NVL: variants seen among roughly 807,000 people sequenced by gnomAD.
NVL encodes the protein nuclear valosin-containing protein-like.
Under a neutral mutation model 110.2 loss-of-function variants are expected in NVL, and 84 were observed. The ratio of observed to expected loss-of-function variants is 0.76; its 90% CI spans 0.64 to 0.91. The LOEUF (loss-of-function observed/expected upper bound fraction) is 0.91, where lower values mean the gene tolerates loss of function less well. Ranked by LOEUF, NVL falls within the 40% of genes least tolerant of loss-of-function variation. The pLI, the probability that NVL is intolerant of heterozygous loss-of-function variation, is 0.00. For synonymous variants in NVL, 354 were observed against 361.1 expected (o/e 0.98, Z 0.22); for missense variants, 882 against 1,035.9 (o/e 0.85, Z 2.04).
chr1:224,296,354 A>G, intron 11 of NVL, 147 bp downstream of exon 11: 1 of 475,014 alleles, frequency 2.1e-6, no homozygotes, highest in East Asian at 3.5e-5. Context: ...TGTTAGGATT[A>G]CAGGCATGAG....
At chr1:224,320,315 T>C (rs1670515764) in intron 2 of NVL, among the ~76,000 whole-genome samples, 1 of 152,178 alleles carries the variant, frequency 6.6e-6, no homozygotes, top group African/African-American at 2.4e-5. Context: ...AGGTAGAGTA[T>C]ATGGGTGTTC....
Position 224,233,415 on chromosome 1 carries a change from G to A in NVL, c.2367-126C>T. 4 of 602,106 alleles carry A rather than the reference G, an allele frequency of 6.6e-6. No individual in the cohort carries two copies. In the South Asian group the frequency reaches 1.2e-4, roughly 18 times the overall value. The allele number at this position is 602,106 out of a possible 1,614,324, so 37.3% of individuals were successfully genotyped here. On this transcript the variant is annotated intron_variant, in intron 20 of 22. Transcript: ENST00000281701. The stretch of plus-strand genomic sequence containing the variant: ...AGGAGAAAAAGTGACCAATAAAGAT[G>A]AGAAATAAATTGATTATCAATCAAT...
chr1:224,257,491 C>CT (rs1663415508), intron 18 of NVL, among the ~76,000 whole-genome samples: 1 of 148,054 alleles, frequency 6.8e-6, no homozygotes, highest in African/African-American at 2.5e-5. Context: ...AACAAAGGTG[C>CT]TAGGACAAGT....
rs1461523504 is a variant in NVL at position 224,263,846 on chromosome 1, T to C, written c.2182+4188A>G. On this transcript the variant is annotated intron_variant, in intron 18 of 22. Transcript: ENST00000281701. ...AGAAAGATTACAAGGTGAAACCCCA[T>C]CTCTACTAAAAATACAAAATTAGCC... is the stretch of plus-strand genomic sequence containing the variant. Among the ~76,000 whole-genome samples the C allele has an allele frequency of 4.6e-5, 7 of 152,224 alleles. No individual in the cohort carries two copies. In the East Asian group the frequency reaches 5.8e-4, roughly 13 times the overall value.
chr1:224,286,900 A>G (rs573020790), intron 14 of NVL, among the ~76,000 whole-genome samples: 3 of 152,226 alleles, frequency 2.0e-5, no homozygotes, highest in Non-Finnish European at 4.4e-5. Context: ...GTAAATAAAA[A>G]TTAATCCAAA....
intron 15 of NVL, 92 bp from the exon 16 acceptor site, chr1:224,281,277 CTGTGTGCG>C (rs1558299115): frequency 1.2e-6 from 1 of 838,098 alleles, no homozygotes; most frequent in Non-Finnish European, 1.9e-6. Flanking sequence ...TGAAAGGACT[CTGTGTGCG>C]TGTGTGTGTG....
chr1:224,319,049 G>T (rs1171054595), intron 2 of NVL, among the ~76,000 whole-genome samples: 30 of 147,506 alleles, frequency 2.0e-4, no homozygotes, highest in Admixed American at 1.9e-3. Flanking sequence ...CAGTTACTTG[G>T]GAGGCTGAGG....
intron 19 of NVL, among the ~76,000 whole-genome samples, chr1:224,243,809 C>T (rs1359375107): frequency 2.6e-5 from 4 of 151,388 alleles, no homozygotes; most frequent in East Asian, 2.0e-4. Context: ...TTACAGGCAC[C>T]GGCCACCACA....
chr1:224,307,341 A>G (rs902687101), intron 6 of NVL, among the ~76,000 whole-genome samples: 82 of 152,360 alleles, frequency 5.4e-4, no homozygotes, highest in African/African-American at 1.8e-3. Flanking sequence ...CAGCGAAATC[A>G]TAAAGGACGT....
chr1:224,270,895 T>C (rs1349952228), intron 17 of NVL, among the ~76,000 whole-genome samples: 1 of 152,206 alleles, frequency 6.6e-6, no homozygotes, highest in African/African-American at 2.4e-5. Flanking sequence ...TCACACACTG[T>C]TGGTGGGCAC....
At position 224,249,571 on chromosome 1, in the gene NVL, C is replaced by T. The variant is rs1410029760; in HGVS notation, c.2289+641G>A. 9.2e-5 allele frequency among the ~76,000 whole-genome samples: 14 copies of T among 152,208 alleles called. No homozygotes were observed. In the East Asian group the frequency reaches 9.8e-4, roughly 11 times the overall value. On this transcript the variant is annotated intron_variant, in intron 19 of 22. Coordinates refer to ENST00000281701, the MANE Select transcript of NVL (RefSeq NM_002533.4). Reference sequence around the variant, plus strand: ...CATCCTGGCTAACACGGTAAAACCCCGTCTCTACTAAAAAACACAAAAAAT... The same window carrying T: ...CATCCTGGCTAACACGGTAAAACCCTGTCTCTACTAAAAAACACAAAAAAT...
intron 17 of NVL, among the ~76,000 whole-genome samples, chr1:224,269,549 A>C (rs1278578705): frequency 1.3e-5 from 2 of 152,206 alleles, no homozygotes. Context: ...CCTCAGCAAT[A>C]TCTAAGTGAA....
intron 17 of NVL, among the ~76,000 whole-genome samples, chr1:224,275,040 C>A (rs1343368504): frequency 6.6e-6 from 1 of 152,140 alleles, no homozygotes; most frequent in Non-Finnish European, 1.5e-5. Flanking sequence ...TGTAGGATTA[C>A]AAGATTATAA....
At chr1:224,306,245 T>A (rs1558337870) in intron 6 of NVL, among the ~76,000 whole-genome samples, 1 of 152,076 alleles carries the variant, frequency 6.6e-6, no homozygotes, top group African/African-American at 2.4e-5. Context: ...CTGGGTGATG[T>A]AGCAATATTC....
chr1:224,303,142 C>T (rs191191139), intron 9 of NVL: 147 of 166,582 alleles, frequency 8.8e-4, no homozygotes, highest in African/African-American at 3.4e-3. Context: ...TGTTTAAAAC[C>T]GTATTATTAT....
chr1:224,317,126 G>A (rs947896420), intron 4 of NVL, among the ~76,000 whole-genome samples: 3 of 147,948 alleles, frequency 2.0e-5, no homozygotes, highest in Non-Finnish European at 4.5e-5. Flanking sequence ...GTGACAGAGT[G>A]AGACTTAATC....
chr1:224,266,620 G>A (rs932238710), intron 18 of NVL, among the ~76,000 whole-genome samples: 2 of 152,110 alleles, frequency 1.3e-5, no homozygotes, highest in Admixed American at 6.6e-5. Context: ...TTCTGTTACA[G>A]CAAAACAAAA....
At chr1:224,229,952 C>G (rs1354568909) in intron 22 of NVL, among the ~76,000 whole-genome samples, 12 of 151,862 alleles carry the variant, frequency 7.9e-5, no homozygotes, top group African/African-American at 2.9e-4. Context: ...CTGCCTCGGT[C>G]TCCTAAGTAG....
At chr1:224,243,762 A>G (rs1661478410) in intron 19 of NVL, among the ~76,000 whole-genome samples, 1 of 150,726 alleles carries the variant, frequency 6.6e-6, no homozygotes, top group Non-Finnish European at 1.5e-5. Context: ...CCCGGGTTCA[A>G]GAGATTCTCC....
Sources: gnomAD v4.1 joint callset for allele counts (sites outside exome capture counted in the v4.1 genomes callset) on GRCh38, gnomAD v4.1.1 for gene constraint, MANE v1.5 for transcripts, NCBI Gene and HGNC (gene_info 2026-07-23, HGNC 2026-07-21) for gene names.